KCTD1: variants seen among roughly 807,000 people sequenced by gnomAD.
The protein encoded by KCTD1 is potassium channel tetramerization domain containing 1, also known as BTB/POZ domain-containing protein KCTD1.
A neutral mutation model predicts 66.0 loss-of-function variants in KCTD1; 24 were observed. The ratio of observed to expected loss-of-function variants is 0.36; its 90% CI spans 0.26 to 0.51. The LOEUF is 0.51. Ranked by LOEUF, KCTD1 falls within the 20% of genes least tolerant of loss-of-function variation. The pLI is 0.95. For synonymous variants in KCTD1, 511 were observed against 517.2 expected (o/e 0.99, Z 0.16); for missense variants, 943 against 1,205.2 (o/e 0.78, Z 3.22).
chr18:26,604,070 AACAG>A (rs893820521), intron 1 of KCTD1, among the ~76,000 whole-genome samples: 8 of 113,524 alleles, frequency 7.0e-5, no homozygotes, highest in South Asian at 3.0e-4. Context: ...ACAGGAAACA[AACAG>A]ACAACCCCAT....
chr18:26,646,322 T>C (rs1987926325), intron 1 of KCTD1, among the ~76,000 whole-genome samples: 1 of 152,354 alleles, frequency 6.6e-6, no homozygotes, highest in African/African-American at 2.4e-5. Context: ...ATGTGTTTCC[T>C]TTCTTTTCTT....
intron 3 of KCTD1, among the ~76,000 whole-genome samples, chr18:26,461,632 C>G (rs1477438242): frequency 6.6e-6 from 1 of 152,210 alleles, no homozygotes; most frequent in Admixed American, 6.5e-5. Flanking sequence ...GATCCCCACT[C>G]TGGGGCTTTG....
intron 2 of KCTD1, among the ~76,000 whole-genome samples, chr18:26,478,058 T>G (rs1981440295): frequency 6.6e-6 from 1 of 152,216 alleles, no homozygotes; most frequent in Non-Finnish European, 1.5e-5. Context: ...ATATGCTTAG[T>G]CACTTACTTG....
intron 1 of KCTD1, among the ~76,000 whole-genome samples, chr18:26,620,361 A>C (rs1294841650): frequency 3.2e-5 from 4 of 125,184 alleles, no homozygotes; most frequent in Non-Finnish European, 5.2e-5. Flanking sequence ...AAAAAAAAAA[A>C]AAAAAAAAAA....
At chr18:26,605,595 C>A (rs1027150044) in intron 1 of KCTD1, among the ~76,000 whole-genome samples, 13 of 152,242 alleles carry the variant, frequency 8.5e-5, no homozygotes, top group Admixed American at 2.0e-4. Context: ...TCATTCATGA[C>A]CTGGCCCTAG....
intron 1 of KCTD1, among the ~76,000 whole-genome samples, chr18:26,597,645 C>T (rs1986796717): frequency 6.8e-6 from 1 of 147,454 alleles, no homozygotes; most frequent in Non-Finnish European, 1.5e-5. Context: ...ACACCTAGTA[C>T]TGAGGTCTTG....
intron 1 of KCTD1, among the ~76,000 whole-genome samples, chr18:26,540,347 G>A (rs73944613): frequency 0.014 from 2,128 of 152,324 alleles, 54 homozygotes; most frequent in African/African-American, 0.049. Flanking sequence ...TCTTCGGGCA[G>A]CACGTTTTAC....
chr18:26,535,119 G>GGGA lies in KCTD1; in HGVS notation c.1809+11608_1809+11609insTCC, dbSNP rs1598924849. On this transcript the variant is annotated intron_variant, in intron 1 of 4. Transcript: ENST00000580059. ...AAAGGCCTGGGGTTGGGGGGTGGGG[G>GGGA]TGGAGCTGCCATCCTGTGCCAAGAG... 3.0e-5 allele frequency among the ~76,000 whole-genome samples: 4 copies of GGGA among 131,896 alleles called. 1 individual carries two copies. Among genetic ancestry groups the GGGA allele is most frequent in the Non-Finnish European group, 6.5e-5 (4 of 61,976 alleles). The allele number at this position is 131,896 out of a possible 152,430, so 86.5% of individuals were successfully genotyped here.
chr18:26,573,371 C>A (rs962105339), intron 1 of KCTD1, among the ~76,000 whole-genome samples: 1 of 151,918 alleles, frequency 6.6e-6, no homozygotes, highest in Admixed American at 6.6e-5. Flanking sequence ...GTACTTAATG[C>A]CACTGAACTA....
chr18:26,621,667 T>C (rs1987388886), intron 1 of KCTD1, among the ~76,000 whole-genome samples: 1 of 152,226 alleles, frequency 6.6e-6, no homozygotes, highest in Admixed American at 6.5e-5. Flanking sequence ...CTGTTGGCTC[T>C]TGGTCTTTGC....
chr18:26,557,748 A>G (rs1420348419), intron 1 of KCTD1, among the ~76,000 whole-genome samples: 3 of 152,218 alleles, frequency 2.0e-5, no homozygotes, highest in Non-Finnish European at 4.4e-5. Flanking sequence ...ATTGAATGCA[A>G]GTTGTGAAAC....
intron 1 of KCTD1, among the ~76,000 whole-genome samples, chr18:26,640,033 C>CA (rs1274481525): frequency 2.0e-5 from 3 of 151,972 alleles, no homozygotes; most frequent in Non-Finnish European, 4.4e-5. Flanking sequence ...GAGTGGTTTA[C>CA]AGGGAGGAGG....
intron 2 of KCTD1, 129 bp downstream of exon 2, chr18:26,500,943 G>A: frequency 1.1e-6 from 1 of 928,604 alleles, no homozygotes; most frequent in South Asian, 1.9e-5. Flanking sequence ...AGGCAGCAGG[G>A]TGGCTCACAC....
upstream of KCTD1, among the ~76,000 whole-genome samples, chr18:26,630,217 C>T (rs1987588882): frequency 6.6e-6 from 1 of 152,244 alleles, no homozygotes; most frequent in Admixed American, 6.5e-5. Context: ...ATCACTGTAT[C>T]TTTCACTGCT....
intron 2 of KCTD1, among the ~76,000 whole-genome samples, chr18:26,495,313 G>A (rs1982412315): frequency 6.6e-6 from 1 of 152,194 alleles, no homozygotes; most frequent in Non-Finnish European, 1.5e-5. Context: ...ATTGTTGAAT[G>A]CAATTATCCT....
chr18:26,607,928 T>C (rs1987053558), intron 1 of KCTD1, among the ~76,000 whole-genome samples: 1 of 152,100 alleles, frequency 6.6e-6, no homozygotes, highest in African/African-American at 2.4e-5. Flanking sequence ...CCACCATACC[T>C]GGCTAATTTT....
chr18:26,632,534 G>A (rs1405197614), upstream of KCTD1, among the ~76,000 whole-genome samples: 2 of 152,138 alleles, frequency 1.3e-5, no homozygotes, highest in Non-Finnish European at 2.9e-5. Context: ...TTGGAAAGAA[G>A]AAATAAATAT....
chr18:26,455,683 CTTTT>C lies in KCTD1; in HGVS notation c.*56_*59del, dbSNP rs1980034659. 1.9e-6 allele frequency: 3 copies of C among 1,596,448 alleles called. No homozygotes were observed. The highest frequency in any genetic ancestry group is 1.7e-5 in the Admixed American group (1 of 58,776). On this transcript the variant is annotated 3_prime_UTR_variant, in exon 5 of 5. Coordinates refer to ENST00000580059, the MANE Select transcript of KCTD1 (RefSeq NM_001142730.3). ...CTGTCCCAACTGCACATAAATGTCC[CTTTT>C]TTGTTTGAGTTATTGGTTGTGTGTG...
At chr18:26,556,991 T>C (rs1985721914) in intron 1 of KCTD1, among the ~76,000 whole-genome samples, 1 of 152,174 alleles carries the variant, frequency 6.6e-6, no homozygotes, top group Admixed American at 6.5e-5. Context: ...TTTGGCAAAC[T>C]CCGCCAAGCA....
Sources: allele counts gnomAD v4.1 joint callset (sites outside exome capture counted in the v4.1 genomes callset), GRCh38; gene constraint gnomAD v4.1.1; transcripts MANE v1.5; gene names NCBI Gene and HGNC (gene_info 2026-07-23, HGNC 2026-07-21).